NUFIP2: variants seen among roughly 807,000 people sequenced by gnomAD.
The protein encoded by NUFIP2 is FMR1-interacting protein NUFIP2.
NUFIP2 carries 6 observed loss-of-function variants against 56.9 expected under a neutral mutation model. The observed-to-expected ratio is 0.11, with a 90% CI of 0.06 to 0.21. NUFIP2 has a LOEUF of 0.21. NUFIP2 is among the 10% of genes least tolerant of loss of function. NUFIP2 has a pLI of 1.00. For synonymous variants in NUFIP2, 321 were observed against 298.2 expected, an observed-to-expected ratio of 1.08 and a Z score of -0.79; for missense variants, 828 against 826.8, an observed-to-expected ratio of 1.00 and a Z score of -0.02.
chr17:29,272,266 A>C (rs2069079273), intron 2 of NUFIP2, among the ~76,000 whole-genome samples: 1 of 146,044 alleles, frequency 6.8e-6, no homozygotes, highest in African/African-American at 2.5e-5. Flanking sequence ...TTGAGACAAG[A>C]GTCTTGCTCT....
intron 2 of NUFIP2, among the ~76,000 whole-genome samples, chr17:29,269,077 A>G (rs1302677557): frequency 1.3e-5 from 2 of 152,224 alleles, no homozygotes; most frequent in Non-Finnish European, 2.9e-5. Context: ...ATTGACTATT[A>G]CACAAGAACC....
At chr17:29,282,267 C>A (rs2069145050) in intron 2 of NUFIP2, among the ~76,000 whole-genome samples, 1 of 151,916 alleles carries the variant, frequency 6.6e-6, no homozygotes, top group African/African-American at 2.4e-5. Context: ...CAAATAAACA[C>A]CTTTCTTTGT....
Position 29,293,971 on chromosome 17 carries a change from G to A in NUFIP2, c.89C>T (p.Pro30Leu). The change falls in exon 1 of 4, where the codon CCG becomes CTG. Residue 30 changes from proline to leucine, a missense_variant. Pro to Leu is a moderately conservative substitution (Grantham distance 98, BLOSUM62 -3). Coordinates refer to ENST00000225388, the MANE Select transcript of NUFIP2 (RefSeq NM_020772.3). ...GAAATAATAATGGTGGTGGTGGTGCGGCTGCTGCTGCTGCTGCTGAGGGTG... is the reference window on the plus strand; with the variant it reads ...GAAATAATAATGGTGGTGGTGGTGCAGCTGCTGCTGCTGCTGCTGAGGGTG... Reference protein sequence around the residue: ...HHHPQQQQQQPHHHHHYYFYN... With the variant: ...HHHPQQQQQQLHHHHHYYFYN... The A allele has an allele frequency of 2.5e-6, 4 of 1,608,424 alleles. No individual in the cohort carries two copies. Among genetic ancestry groups the A allele is most frequent in the African/African-American group, 2.7e-5 (2 of 74,810 alleles).
chr17:29,286,397 CCAT>C lies in NUFIP2; in HGVS notation c.1594_1596del (p.Met532del). The C allele has an allele frequency of 6.2e-7, 1 of 1,614,168 alleles. No individual in the cohort carries two copies. Among genetic ancestry groups the C allele is most frequent in the South Asian group, 1.1e-5 (1 of 91,086 alleles). ...GGATATTCTCCTTGAAATGTCACCT[CCAT>C]CACTTTATGCTCTGATGACTTCCCA... On this transcript the variant is annotated inframe_deletion, in exon 2 of 4. Transcript: ENST00000225388.
In NUFIP2 at chr17:29,293,995, TGATGGTGCG is replaced by T; in HGVS notation, c.56_64del (p.Pro19_His21del). ...CGGCTGCTGCTGCTGCTGCTGAGGGTGATGGTGCGGATGGTGGTGGCTGTGATGGTGCTG... is the reference window on the plus strand; with the variant it reads ...CGGCTGCTGCTGCTGCTGCTGAGGGTGATGGTGGTGGCTGTGATGGTGCTG... On this transcript the variant is annotated inframe_deletion, in exon 1 of 4. Coordinates refer to ENST00000225388, the MANE Select transcript of NUFIP2 (RefSeq NM_020772.3). The T allele has an allele frequency of 6.2e-7, 1 of 1,612,710 alleles. No homozygotes were observed. Among genetic ancestry groups the T allele is most frequent in the East Asian group, 2.2e-5 (1 of 44,856 alleles).
At chr17:29,285,788 G>A (rs1457537646) in intron 2 of NUFIP2, among the ~76,000 whole-genome samples, 1 of 151,952 alleles carries the variant, frequency 6.6e-6, no homozygotes, top group Non-Finnish European at 1.5e-5. Flanking sequence ...ATCCTTTTAA[G>A]TTGGAAAAGT....
At chr17:29,277,895 C>G (rs1019035774) in intron 2 of NUFIP2, among the ~76,000 whole-genome samples, 1 of 152,042 alleles carries the variant, frequency 6.6e-6, no homozygotes. Context: ...AGCCTATAAT[C>G]CCAGCTACTC....
rs141446231 is a variant in NUFIP2, at chr17:29,286,989, G to T, written c.1005C>A (p.Thr335=). ...GAAAAACTGGGGGTGGTTTAAATAG[G>T]GTCCACGAGTCCTCTTTGGAGGCAA... is the stretch of plus-strand genomic sequence containing the variant. ...SAVASKEDSW[T]LFKPPPVFPV... Residue 335 remains threonine, a synonymous_variant, in exon 2 of 4, where the codon ACC becomes ACA. Transcript: ENST00000225388. 69 of 1,613,924 alleles carry T rather than the reference G, an allele frequency of 4.3e-5. No homozygotes were observed. Among genetic ancestry groups the T allele is most frequent in the Non-Finnish European group, 5.8e-5 (68 of 1,180,026 alleles).
chr17:29,282,571 A>G (rs886427231), intron 2 of NUFIP2, among the ~76,000 whole-genome samples: 6 of 151,806 alleles, frequency 4.0e-5, no homozygotes, highest in African/African-American at 1.5e-4. Flanking sequence ...ACCACCAAAA[A>G]ACAAAATAAA....
chr17:29,261,825 G>C lies in NUFIP2; in HGVS notation c.*2714C>G, dbSNP rs1458906026. Reference sequence around the variant, plus strand: ...TGACAGTTAATATGATGGGGCACTAGGGTTCTCAGAAAGTTAACAGACATT... The same window carrying C: ...TGACAGTTAATATGATGGGGCACTACGGTTCTCAGAAAGTTAACAGACATT... On this transcript the variant is annotated 3_prime_UTR_variant, in exon 4 of 4. Transcript: ENST00000225388. 6.6e-6 allele frequency: 1 copy of C among 152,474 alleles called. No homozygotes were observed. The highest frequency in any genetic ancestry group is 1.9e-4 in the East Asian group (1 of 5,194). The allele number at this position is 152,474 out of a possible 1,614,324, so 9.4% of individuals were successfully genotyped here. A position where few individuals can be genotyped will look rare whatever the true frequency, so the allele number is the denominator to read the frequency against.
rs146112698 is a variant in NUFIP2 at position 29,286,820 on chromosome 17, T to A, written c.1174A>T (p.Thr392Ser). The change falls in exon 2 of 4, where the codon ACC becomes TCC. Residue 392 changes from threonine to serine, a missense_variant. Around this residue, in one of 3 missense-constraint regions of NUFIP2, gnomAD observed 404 missense variants for 380.3 expected, o/e 1.06. Coordinates refer to ENST00000225388, the MANE Select transcript of NUFIP2 (RefSeq NM_020772.3). ...SSSSSTGETQTQSSSRLSQVP... is the reference protein window; with the variant it reads ...SSSSSTGETQSQSSSRLSQVP... Reference sequence around the variant, plus strand: ...TGGGATAAGCGACTTGATGATTGGGTCTGAGTTTCCCCGGTAGATGATGAA... The same window carrying A: ...TGGGATAAGCGACTTGATGATTGGGACTGAGTTTCCCCGGTAGATGATGAA... 5 of 1,614,022 alleles carry A rather than the reference T, an allele frequency of 3.1e-6. No homozygotes were observed. In the East Asian group the frequency reaches 8.9e-5, roughly 29 times the overall value.
chr17:29,287,844 C>CTCATAGAGATGTG, intron 1 of NUFIP2, 128 bp from the exon 2 acceptor site: 1 of 954,914 alleles, frequency 1.0e-6, no homozygotes, highest in Non-Finnish European at 1.5e-6. Context: ...TATATTATTT[C>CTCATAGAGATGTG]ACATCTCTAT....
chr17:29,287,676 T>C lies in NUFIP2; in HGVS notation c.318A>G (p.Ile106Met). The C allele has an allele frequency of 1.2e-6, 2 of 1,612,204 alleles. No homozygotes were observed. Among genetic ancestry groups the C allele is most frequent in the African/African-American group, 1.3e-5 (1 of 74,798 alleles). ...ELNGNAGERE[I>M]SLKNLSSDEA... ...CATCAGAACTCAGGTTCTTTAAAGA[T>C]ATTTCTCTTTCTCCAGCATTACCGT... Residue 106 changes from isoleucine to methionine, a missense_variant, in exon 2 of 4, where the codon ATA becomes ATG. Ile to Met is a conservative substitution (Grantham distance 10). Coordinates refer to ENST00000225388, the MANE Select transcript of NUFIP2 (RefSeq NM_020772.3).
At position 29,287,397 on chromosome 17, in the gene NUFIP2, A is replaced by G. The variant is rs749165651; in HGVS notation, c.597T>C (p.Thr199=). The G allele has an allele frequency of 6.2e-7, 1 of 1,613,546 alleles. No individual in the cohort carries two copies. The highest frequency in any genetic ancestry group is 8.5e-7 in the Non-Finnish European group (1 of 1,179,562). The change falls in exon 2 of 4, where the codon ACT becomes ACC. Residue 199 remains threonine (T), a synonymous_variant. Coordinates refer to ENST00000225388, the MANE Select transcript of NUFIP2 (RefSeq NM_020772.3). ...GVVTNNSGYI[T]NGYMGKGADN... ...CTGCTCCTTTACCCATATAACCATT[A>G]GTAATATAACCAGAATTATTTGTTA...
rs2068968618 is a variant in NUFIP2, at chr17:29,255,903, C to A, written c.*8636G>T. ...GTCTCTCAATTTGATCTACAAATTT[C>A]TCAAGTTTTTTTTCTGATAAAATAA... On this transcript the variant is annotated 3_prime_UTR_variant, in exon 4 of 4. Coordinates refer to ENST00000225388, the MANE Select transcript of NUFIP2 (RefSeq NM_020772.3). 1 of 152,060 alleles carries A rather than the reference C, an allele frequency of 6.6e-6. No homozygotes were observed. 9.4% of individuals were successfully genotyped at this position (152,060 alleles called of 1,614,324 possible). A position where few individuals can be genotyped will look rare whatever the true frequency, so the allele number is the denominator to read the frequency against.
intron 3 of NUFIP2, 124 bp from the exon 4 acceptor site, chr17:29,264,715 G>A: frequency 1.8e-6 from 1 of 568,420 alleles, no homozygotes; most frequent in Non-Finnish European, 3.2e-6. Context: ...AAAACTTCAA[G>A]CCCATTTCCT....
rs1053687404 is a variant in NUFIP2 at position 29,289,976 on chromosome 17, T to G, written c.278-2260A>C. Among the ~76,000 whole-genome samples the G allele has an allele frequency of 9.2e-5, 14 of 152,152 alleles. No individual in the cohort carries two copies. The East Asian group carries it at 2.7e-3, about 29-fold the overall frequency. ...TCTCGCTCTGTGGCCCAGGTTGAAGTGCAGTGATGTGATCCCAGCTCACCA... is the reference window on the plus strand; with the variant it reads ...TCTCGCTCTGTGGCCCAGGTTGAAGGGCAGTGATGTGATCCCAGCTCACCA... On this transcript the variant is annotated intron_variant, in intron 1 of 3. Transcript: ENST00000225388.
intron 2 of NUFIP2, among the ~76,000 whole-genome samples, chr17:29,279,464 C>T (rs573605928): frequency 6.6e-6 from 1 of 152,296 alleles, no homozygotes; most frequent in Admixed American, 6.5e-5. Context: ...AGAAAAATGG[C>T]TTCCAGTCTA....
chr17:29,272,778 A>C (rs1277176013), intron 2 of NUFIP2, among the ~76,000 whole-genome samples: 1 of 151,252 alleles, frequency 6.6e-6, no homozygotes, highest in Non-Finnish European at 1.5e-5. Context: ...AAAATTTTGG[A>C]TCTTGAAGCA....
Sources: gnomAD v4.1 joint callset for allele counts (sites outside exome capture counted in the v4.1 genomes callset) on GRCh38, gnomAD v4.1.1 for gene constraint, gnomAD v4.1.1 regional missense constraint, MANE v1.5 for transcripts, NCBI Gene and HGNC (gene_info 2026-07-23, HGNC 2026-07-21) for gene names.